CSMD3: variants seen among roughly 807,000 people sequenced by gnomAD.
CSMD3 encodes the protein CUB and Sushi multiple domains 3, also known as CUB and sushi domain-containing protein 3.
In CSMD3, 177 loss-of-function variants were observed where a neutral mutation model predicts 435.2. That is an observed-to-expected ratio of 0.41 (90% confidence interval 0.36 to 0.46). The LOEUF is 0.46. CSMD3 is among the 20% of genes least tolerant of loss of function. The pLI is 0.34. For missense variants in CSMD3, 4,265 were observed against 4,504.6 expected (o/e 0.95, Z 1.52); for synonymous variants, 1,656 against 1,520.5 (o/e 1.09, Z -2.07).
At chr8:112,296,649 C>T (rs1288247283) in intron 53 of CSMD3, among the ~76,000 whole-genome samples, 1 of 151,728 alleles carries the variant, frequency 6.6e-6, no homozygotes, top group East Asian at 1.9e-4. Flanking sequence ...AGTTTCAGTG[C>T]TTTTAGTAGA....
chr8:112,901,107 T>C (rs999431880), intron 10 of CSMD3, among the ~76,000 whole-genome samples: 2 of 151,210 alleles, frequency 1.3e-5, no homozygotes, highest in Admixed American at 6.6e-5. Context: ...ATATAAGAAA[T>C]ATATTTCATA....
chr8:112,363,319 G>T (rs1477436894), intron 38 of CSMD3, among the ~76,000 whole-genome samples: 1 of 151,996 alleles, frequency 6.6e-6, no homozygotes, highest in Non-Finnish European at 1.5e-5. Flanking sequence ...AAGTGAGGAT[G>T]TCCATTTGTA....
chr8:112,840,726 G>C (rs2080155968), intron 11 of CSMD3, among the ~76,000 whole-genome samples: 1 of 151,590 alleles, frequency 6.6e-6, no homozygotes. Context: ...AATAAAAAAA[G>C]AGTGAGGAAA....
intron 2 of CSMD3, among the ~76,000 whole-genome samples, chr8:113,281,231 T>G (rs1409993916): frequency 2.0e-5 from 3 of 152,034 alleles, no homozygotes; most frequent in South Asian, 4.1e-4. Context: ...TTTGTTGAGT[T>G]TCTGTCTTGA....
intron 13 of CSMD3, among the ~76,000 whole-genome samples, chr8:112,741,416 T>C (rs1347869918): frequency 6.6e-6 from 1 of 151,774 alleles, no homozygotes; most frequent in Non-Finnish European, 1.5e-5. Flanking sequence ...ATCTGACAAT[T>C]ATAGTAATTA....
chr8:112,888,295 C>T (rs1005350473), intron 10 of CSMD3, among the ~76,000 whole-genome samples: 8 of 151,572 alleles, frequency 5.3e-5, no homozygotes, highest in East Asian at 3.9e-4. Flanking sequence ...CACGGATAAT[C>T]GAATCATTGG....
At chr8:112,377,191 G>T (rs898547325) in intron 38 of CSMD3, among the ~76,000 whole-genome samples, 1 of 151,684 alleles carries the variant, frequency 6.6e-6, no homozygotes, top group Non-Finnish European at 1.5e-5. Context: ...TGATGTCACA[G>T]AAATTAAAAG....
At chr8:112,669,805 C>G (rs2075614726) in intron 16 of CSMD3, among the ~76,000 whole-genome samples, 1 of 151,974 alleles carries the variant, frequency 6.6e-6, no homozygotes, top group Non-Finnish European at 1.5e-5. Flanking sequence ...TGTCAGGCAC[C>G]CTCAGATTAT....
chr8:112,874,292 G>A (rs1051582284), intron 10 of CSMD3, among the ~76,000 whole-genome samples: 11 of 152,016 alleles, frequency 7.2e-5, no homozygotes, highest in African/African-American at 2.2e-4. Context: ...TATGATTTCC[G>A]TTCTTTTACA....
At position 112,737,046 on chromosome 8, in the gene CSMD3, T is replaced by G. The variant is rs543252572; in HGVS notation, c.1973-46996A>C. Among the ~76,000 whole-genome samples the G allele has an allele frequency of 8.5e-5, 13 of 152,050 alleles. 1 individual carries two copies. In the South Asian group the frequency reaches 1.2e-3, roughly 15 times the overall value. On this transcript the variant is annotated intron_variant, in intron 13 of 70. Coordinates refer to ENST00000297405, the MANE Select transcript of CSMD3 (RefSeq NM_198123.2). ...ATCTCCGTGCTCACTTTAGAAAAGT[T>G]GAGGCAACCTTCAGAGAGAAAGAAA...
chr8:112,661,717 G>C (rs1383510580), intron 17 of CSMD3, among the ~76,000 whole-genome samples: 1 of 151,952 alleles, frequency 6.6e-6, no homozygotes, highest in African/African-American at 2.4e-5. Flanking sequence ...AACTGAATAA[G>C]AGAATAAAAG....
chr8:112,609,201 C>CAAAAAAAAAAAAAAAAAAA (rs71566035), intron 22 of CSMD3, among the ~76,000 whole-genome samples: 12 of 43,092 alleles, frequency 2.8e-4, no homozygotes, highest in African/African-American at 5.7e-4. Flanking sequence ...GATACTGCCT[C>CAAAAAAAAAAAAAAAAAAA]AAAAAAAAAA....
chr8:112,768,451 G>A (rs921020096), intron 13 of CSMD3, among the ~76,000 whole-genome samples: 6 of 151,858 alleles, frequency 4.0e-5, no homozygotes, highest in African/African-American at 1.4e-4. Context: ...CCATATGTCT[G>A]TTATAATCTC....
At chr8:112,411,720 G>T (rs1276267170) in intron 32 of CSMD3, among the ~76,000 whole-genome samples, 1 of 151,986 alleles carries the variant, frequency 6.6e-6, no homozygotes, top group African/African-American at 2.4e-5. Flanking sequence ...ATGACTCTCA[G>T]ATTTGCTTCT....
At chr8:113,134,852 C>T (rs1445977766) in intron 4 of CSMD3, among the ~76,000 whole-genome samples, 2 of 151,906 alleles carry the variant, frequency 1.3e-5, no homozygotes. Flanking sequence ...GGCATCTGTT[C>T]AGCTTCCACT....
In CSMD3 at chr8:113,098,975, G is replaced by A. The variant is rs2131548056; in HGVS notation, c.710-12C>T. On this transcript the variant is annotated splice_polypyrimidine_tract_variant and intron_variant, in intron 4 of 70. Transcript: ENST00000297405. ...ACAAGCATCTTCAGCTGTTAAAAAT[G>A]ACAAAATATTCAGTTGTAAGTTATT... The A allele has an allele frequency of 6.5e-7, 1 of 1,550,212 alleles. No homozygotes were observed. The highest frequency in any genetic ancestry group is 8.9e-7 in the Non-Finnish European group (1 of 1,122,630).
In CSMD3 at chr8:112,259,042, A is replaced by G. The variant is rs527955787; in HGVS notation, c.9863-3615T>C. On this transcript the variant is annotated intron_variant, in intron 61 of 70. Transcript: ENST00000297405. Reference sequence around the variant, plus strand: ...CTACAGAGCGAGAATCTATCTCCCAAAAAAAAAAGAAAAAAAGAAATATCA... The same window carrying G: ...CTACAGAGCGAGAATCTATCTCCCAGAAAAAAAAGAAAAAAAGAAATATCA... Among the ~76,000 whole-genome samples, 13 of 151,000 alleles carry G rather than the reference A, an allele frequency of 8.6e-5. No individual in the cohort carries two copies. The South Asian group carries it at 2.5e-3, about 29-fold the overall frequency.
At chr8:112,394,409 A>C (rs1830700911) in intron 35 of CSMD3, among the ~76,000 whole-genome samples, 1 of 152,184 alleles carries the variant, frequency 6.6e-6, no homozygotes, top group African/African-American at 2.4e-5. Context: ...AAACTGATTA[A>C]GATCATATCA....
At chr8:112,332,215 T>C (rs1824133467) in intron 45 of CSMD3, among the ~76,000 whole-genome samples, 1 of 152,268 alleles carries the variant, frequency 6.6e-6, no homozygotes, top group South Asian at 2.1e-4. Context: ...TACACCATAT[T>C]GTAATTAAGT....
Sources: gnomAD v4.1 joint callset for allele counts (sites outside exome capture counted in the v4.1 genomes callset) on GRCh38, gnomAD v4.1.1 for gene constraint, MANE v1.5 for transcripts, NCBI Gene and HGNC (gene_info 2026-07-23, HGNC 2026-07-21) for gene names.